Variants in DNAH11 observed in about 807,000 individuals in gnomAD.
DNAH11 encodes dynein axonemal heavy chain 11, also known as axonemal beta dynein heavy chain 11.
Under a neutral mutation model 526.0 loss-of-function variants are expected in DNAH11, and 442 were observed. The ratio of observed to expected loss-of-function variants is 0.84; its 90% CI spans 0.78 to 0.91. The LOEUF is 0.91. Ranked by LOEUF, DNAH11 falls within the 40% of genes least tolerant of loss-of-function variation. The pLI is 0.00. For missense variants in DNAH11, 6,989 were observed against 5,448.7 expected, an observed-to-expected ratio of 1.28 and a Z score of -8.90; for synonymous variants, 2,461 against 1,935.9, an observed-to-expected ratio of 1.27 and a Z score of -7.12.
At chr7:21,559,028 T>G (rs1447575781) in intron 3 of DNAH11, 30 bp downstream of exon 3, 17 of 1,539,848 alleles carry the variant, frequency 1.1e-5, no homozygotes, top group Non-Finnish European at 1.5e-5. Flanking sequence ...ATACAGGATA[T>G]TAAAGTAGAG....
rs769013272 is a variant in DNAH11 at position 21,655,994 on chromosome 7, T to A, written c.5094+13T>A. On this transcript the variant is annotated intron_variant, in intron 29 of 81. Transcript: ENST00000409508. ...ATGTGTGGGCCATGTAAGATTTGATTATGAGGTTTTCTATGCTAGGGGAGT... is the reference window on the plus strand; with the variant it reads ...ATGTGTGGGCCATGTAAGATTTGATAATGAGGTTTTCTATGCTAGGGGAGT... The A allele has an allele frequency of 9.5e-6, 15 of 1,578,938 alleles. No individual in the cohort carries two copies. Among genetic ancestry groups the A allele is most frequent in the Non-Finnish European group, 1.3e-5 (15 of 1,160,550 alleles).
chr7:21,545,056 T>G lies in DNAH11; in HGVS notation c.402T>G (p.Thr134=). 6.2e-7 allele frequency: 1 copy of G among 1,603,312 alleles called. No individual in the cohort carries two copies. The highest frequency in any genetic ancestry group is 8.5e-7 in the Non-Finnish European group (1 of 1,174,024). Residue 134 remains threonine, a synonymous_variant, in exon 2 of 82, where the codon ACT becomes ACG. Coordinates refer to ENST00000409508, the MANE Select transcript of DNAH11 (RefSeq NM_001277115.2). The stretch of plus-strand genomic sequence containing the variant: ...TTGTTTTTATTTCCAAGAAGATTAC[T>G]GAAAGCATTGGAGTAAATGACTTTT... The part of the protein sequence containing the change: ...HKLVFISKKI[T]ESIGVNDFSQ...
chr7:21,612,554 C>CAAAAA (rs34356379), intron 20 of DNAH11, among the ~76,000 whole-genome samples: 7,336 of 80,594 alleles, frequency 0.091, 391 homozygotes, highest in East Asian at 0.13. Context: ...GGCTCCGTCT[C>CAAAAA]AAAAAAAAAA....
At position 21,896,373 on chromosome 7, in the gene DNAH11, C is replaced by T. The variant is rs149478507; in HGVS notation, c.13049+1374C>T. ...TTTACTTATACGTAGAATTATAGGA[C>T]ACGATTATTTTTCCTTCAGCACTTT... On this transcript the variant is annotated intron_variant, in intron 79 of 81. Coordinates refer to ENST00000409508, the MANE Select transcript of DNAH11 (RefSeq NM_001277115.2). Among the ~76,000 whole-genome samples the T allele has an allele frequency of 6.0e-3, 908 of 152,268 alleles. 11 individuals carry two copies. Among genetic ancestry groups the T allele is most frequent in the African/African-American group, 0.021 (853 of 41,542 alleles).
intron 40 of DNAH11, among the ~76,000 whole-genome samples, chr7:21,709,926 T>A (rs1784399790): frequency 6.6e-6 from 1 of 152,176 alleles, no homozygotes; most frequent in Non-Finnish European, 1.5e-5. Flanking sequence ...TTAGATTTAC[T>A]AGAGCTTGAA....
At chr7:21,565,794 G>C (rs1323696187) in intron 6 of DNAH11, among the ~76,000 whole-genome samples, 4 of 152,130 alleles carry the variant, frequency 2.6e-5, no homozygotes, top group African/African-American at 9.7e-5. Context: ...TCGAGGCTCA[G>C]TAAATGTTAG....
chr7:21,755,858 T>G (rs1425815772), intron 54 of DNAH11, among the ~76,000 whole-genome samples: 2 of 152,182 alleles, frequency 1.3e-5, no homozygotes, highest in African/African-American at 4.8e-5. Flanking sequence ...AATAACTATT[T>G]GTAGAAAATG....
At position 21,637,238 on chromosome 7, in the gene DNAH11, C is replaced by A. The variant is rs560732059; in HGVS notation, c.4726-373C>A. 1.3e-3 allele frequency among the ~76,000 whole-genome samples: 195 copies of A among 151,700 alleles called. 2 individuals are homozygous for A. Among genetic ancestry groups the A allele is most frequent in the African/African-American group, 4.6e-3 (189 of 41,374 alleles). On this transcript the variant is annotated intron_variant, in intron 26 of 81. Transcript: ENST00000409508. ...TCTCCCTTTCTCTCTCCTTCTCCTC[C>A]CCCTCTGCCCCCACCTCCTCCTACT...
intron 44 of DNAH11, among the ~76,000 whole-genome samples, chr7:21,723,134 G>A (rs1156272185): frequency 6.6e-6 from 1 of 152,204 alleles, no homozygotes; most frequent in Non-Finnish European, 1.5e-5. Context: ...GCATGAAACA[G>A]ACACAATAAA....
At position 21,606,555 on chromosome 7, in the gene DNAH11, C is replaced by T; in HGVS notation, c.3765+13C>T. The T allele has an allele frequency of 1.3e-6, 2 of 1,595,696 alleles. No homozygotes were observed. Among genetic ancestry groups the T allele is most frequent in the East Asian group, 2.2e-5 (1 of 44,712 alleles). On this transcript the variant is annotated intron_variant, in intron 19 of 81. Coordinates refer to ENST00000409508, the MANE Select transcript of DNAH11 (RefSeq NM_001277115.2). Reference sequence around the variant, plus strand: ...TATTTTGTTTGACGTAAGCTAGTTACCAAGTTTTTGTTTTAAGAAAGGTTT... The same window carrying T: ...TATTTTGTTTGACGTAAGCTAGTTATCAAGTTTTTGTTTTAAGAAAGGTTT...
intron 54 of DNAH11, among the ~76,000 whole-genome samples, chr7:21,757,791 A>T (rs1323734125): frequency 6.6e-6 from 1 of 152,230 alleles, no homozygotes; most frequent in African/African-American, 2.4e-5. Context: ...TATGCAAGCA[A>T]CAGATTAACA....
chr7:21,784,666 C>T, intron 58 of DNAH11, 126 bp downstream of exon 58: 1 of 614,336 alleles, frequency 1.6e-6, no homozygotes, highest in Non-Finnish European at 2.7e-6. Flanking sequence ...AAAGAAGCAC[C>T]CATGAAATAT....
At chr7:21,766,904 G>C (rs1787207794) in intron 55 of DNAH11, among the ~76,000 whole-genome samples, 1 of 152,114 alleles carries the variant, frequency 6.6e-6, no homozygotes, top group Non-Finnish European at 1.5e-5. Flanking sequence ...ATATGGTAGA[G>C]GCCTTAGGAT....
intron 28 of DNAH11, among the ~76,000 whole-genome samples, chr7:21,640,624 T>C (rs1234233289): frequency 5.3e-5 from 8 of 152,146 alleles, no homozygotes; most frequent in Non-Finnish European, 1.2e-4. Context: ...CTGCAATGAC[T>C]AATCTCACAT....
chr7:21,901,187 G>A lies in DNAH11; in HGVS notation c.13484G>A (p.Arg4495Lys), dbSNP rs182474320. Residue 4495 changes from arginine (R) to lysine (K), a missense_variant, in exon 82 of 82, where the codon AGG (arginine) becomes AAG (lysine). Transcript: ENST00000409508. ...GGCCCCAGCTACATCTGGACCTTCA[G>A]GCTGAAGAGCGAAGAGAAGACTGCA... ...LRGPSYIWTFRLKSEEKTAKW... is the reference protein window; with the variant it reads ...LRGPSYIWTFKLKSEEKTAKW... The A allele has an allele frequency of 3.7e-6, 6 of 1,613,922 alleles. No homozygotes were observed. Among genetic ancestry groups the A allele is most frequent in the African/African-American group, 2.7e-5 (2 of 75,046 alleles).
At chr7:21,629,066 G>A (rs1396515266) in intron 25 of DNAH11, among the ~76,000 whole-genome samples, 1 of 151,700 alleles carries the variant, frequency 6.6e-6, no homozygotes, top group African/African-American at 2.4e-5. Context: ...TCTTATTACT[G>A]GCTTTTACTG....
At chr7:21,873,783 G>GC (rs1783590108) in intron 74 of DNAH11, among the ~76,000 whole-genome samples, 1 of 29,952 alleles carries the variant, frequency 3.3e-5, no homozygotes, top group African/African-American at 1.1e-4. Flanking sequence ...TGAGGAGGTT[G>GC]CTTTTTTTTT....
At chr7:21,670,329 G>C (rs1362941682) in intron 30 of DNAH11, among the ~76,000 whole-genome samples, 1 of 151,806 alleles carries the variant, frequency 6.6e-6, no homozygotes, top group Non-Finnish European at 1.5e-5. Flanking sequence ...TCATTTCCCA[G>C]TGTTTTTGGC....
intron 42 of DNAH11, among the ~76,000 whole-genome samples, chr7:21,715,345 G>A (rs1562505229): frequency 6.6e-6 from 1 of 152,212 alleles, no homozygotes; most frequent in Non-Finnish European, 1.5e-5. Flanking sequence ...AGTTCTGCAG[G>A]AAGGAGAAAC....
Sources: allele counts gnomAD v4.1 joint callset (sites outside exome capture counted in the v4.1 genomes callset), GRCh38; gene constraint gnomAD v4.1.1; transcripts MANE v1.5; gene names NCBI Gene and HGNC (gene_info 2026-07-23, HGNC 2026-07-21).